CCSER2: variants seen among roughly 807,000 people sequenced by gnomAD.
CCSER2 encodes coiled-coil serine rich protein 2.
CCSER2 carries 46 observed loss-of-function variants against 92.3 expected under a neutral mutation model. That is an observed-to-expected ratio of 0.50 (90% CI 0.39 to 0.64). The LOEUF is 0.64. CCSER2 is among the 30% of genes least tolerant of loss of function. CCSER2 has a pLI of 0.00. For synonymous variants in CCSER2, 433 were observed against 431.4 expected, an observed-to-expected ratio of 1.00 and a Z score of -0.04; for missense variants, 1,244 against 1,238.9, an observed-to-expected ratio of 1.00 and a Z score of -0.06.
chr10:84,383,599 C>T (rs539351261), intron 3 of CCSER2, among the ~76,000 whole-genome samples: 11 of 152,248 alleles, frequency 7.2e-5, no homozygotes, highest in Admixed American at 4.6e-4. Context: ...CGTGAGCCAC[C>T]GTACCCGGCT....
intron 3 of CCSER2, among the ~76,000 whole-genome samples, chr10:84,384,668 C>T (rs964249041): frequency 6.6e-6 from 1 of 152,126 alleles, no homozygotes; most frequent in Non-Finnish European, 1.5e-5. Context: ...CAACATCATA[C>T]TGAATAGGCA....
intron 7 of CCSER2, among the ~76,000 whole-genome samples, chr10:84,464,922 G>A (rs1437145382): frequency 2.0e-5 from 3 of 152,186 alleles, no homozygotes; most frequent in Non-Finnish European, 2.9e-5. Context: ...AGGTTGCAGA[G>A]TGATTTATTG....
rs1849533852 is a variant in CCSER2, at chr10:84,514,615, T to G, written c.*348T>G. 1 of 227,738 alleles carries G rather than the reference T, an allele frequency of 4.4e-6. No homozygotes were observed. The highest frequency in any genetic ancestry group is 8.7e-5 in the South Asian group (1 of 11,550). The allele number at this position is 227,738 out of a possible 1,614,324, so 14.1% of individuals were successfully genotyped here. ...CTTTGCTGGTTTAGTCCTATTAAGG[T>G]CTGTATTTATTGTGGTTGTCAGAAC... On this transcript the variant is annotated 3_prime_UTR_variant, in exon 10 of 10. Transcript: ENST00000372088.
chr10:84,500,102 C>G (rs1848647348), intron 9 of CCSER2: 1 of 1,101,816 alleles, frequency 9.1e-7, no homozygotes, highest in African/African-American at 1.6e-5. Context: ...TCTCTGTGGT[C>G]TCCTCTCTTA....
chr10:84,513,658 A>G lies in CCSER2; in HGVS notation c.2535A>G (p.Pro845=), dbSNP rs763573014. Residue 845 remains proline, a synonymous_variant, in exon 10 of 10, where the codon CCA becomes CCG. Transcript: ENST00000372088. ...GLEEQPFSSG[P]QLTMDVAKST... ...AAGAGCAGCCTTTTTCATCAGGCCC[A>G]CAATTAACAATGGATGTGGCTAAGA... 6.4e-7 allele frequency: 1 copy of G among 1,571,124 alleles called. No homozygotes were observed. The highest frequency in any genetic ancestry group is 8.6e-7 in the Non-Finnish European group (1 of 1,160,948).
chr10:84,506,957 T>C (rs1356163540), intron 9 of CCSER2, among the ~76,000 whole-genome samples: 3 of 152,224 alleles, frequency 2.0e-5, no homozygotes, highest in Non-Finnish European at 4.4e-5. Context: ...ATATTAAATT[T>C]TATCAGAATT....
At chr10:84,489,868 T>C (rs532422253) in intron 9 of CCSER2, among the ~76,000 whole-genome samples, 18 of 152,218 alleles carry the variant, frequency 1.2e-4, no homozygotes, top group Non-Finnish European at 2.6e-4. Context: ...GTTTTTGCAG[T>C]GGCTGGTACC....
At chr10:84,418,610 AG>A (rs1842989630) in intron 4 of CCSER2, among the ~76,000 whole-genome samples, 1 of 152,176 alleles carries the variant, frequency 6.6e-6, no homozygotes, top group Non-Finnish European at 1.5e-5. Context: ...GAAAATGGTG[AG>A]TGGGATCCTT....
rs959181722 is a variant in CCSER2, at chr10:84,466,313, A to G, written c.2148+2297A>G. On this transcript the variant is annotated intron_variant, in intron 7 of 9. Coordinates refer to ENST00000372088, the MANE Select transcript of CCSER2 (RefSeq NM_001284240.2). ...ATCTAAAGTCTCCATTGGACCTACC[A>G]TGCCTCTAATCTATCCTTTTATTTA... Among the ~76,000 whole-genome samples the G allele has an allele frequency of 3.3e-5, 5 of 152,144 alleles. No homozygotes were observed. In the East Asian group the frequency reaches 9.7e-4, roughly 29 times the overall value.
At chr10:84,486,927 A>G (rs1220750130) in intron 9 of CCSER2, among the ~76,000 whole-genome samples, 12 of 152,088 alleles carry the variant, frequency 7.9e-5, no homozygotes, top group East Asian at 3.9e-4. Context: ...TGTATAAGGT[A>G]TAAGGAAGGG....
intron 3 of CCSER2, among the ~76,000 whole-genome samples, chr10:84,410,235 A>G (rs754993115): frequency 6.6e-6 from 1 of 152,164 alleles, no homozygotes; most frequent in Non-Finnish European, 1.5e-5. Context: ...GCATGCATGT[A>G]TCTTTATATA....
rs376166478 is a variant in CCSER2, at chr10:84,395,097, G to C, written c.1614+21282G>C. Among the ~76,000 whole-genome samples, 37 of 151,952 alleles carry C rather than the reference G, an allele frequency of 2.4e-4. 1 individual carries two copies. The highest frequency in any genetic ancestry group is 7.5e-4 in the African/African-American group (31 of 41,438). On this transcript the variant is annotated intron_variant, in intron 3 of 9. Transcript: ENST00000372088. ...AAATTAGCCAGGCATGGTGGCATAT[G>C]CCTGTGGTTCCAGCTACTTGGGAAG...
At chr10:84,467,895 T>C (rs1373773146) in intron 7 of CCSER2, among the ~76,000 whole-genome samples, 1 of 152,164 alleles carries the variant, frequency 6.6e-6, no homozygotes, top group African/African-American at 2.4e-5. Flanking sequence ...CTCTCTTGGG[T>C]CAGGCTCCTA....
At chr10:84,426,950 G>C (rs1843468622) in intron 5 of CCSER2, among the ~76,000 whole-genome samples, 1 of 152,318 alleles carries the variant, frequency 6.6e-6, no homozygotes, top group South Asian at 2.1e-4. Flanking sequence ...GGTCAAATTA[G>C]TATGAGAATG....
chr10:84,512,297 G>A (rs1053108634), intron 9 of CCSER2, among the ~76,000 whole-genome samples: 5 of 150,486 alleles, frequency 3.3e-5, no homozygotes, highest in Non-Finnish European at 7.4e-5. Flanking sequence ...AGTGAGAAAT[G>A]GCCCTCTGAA....
At chr10:84,486,671 A>C (rs1440447806) in intron 9 of CCSER2, among the ~76,000 whole-genome samples, 3 of 152,080 alleles carry the variant, frequency 2.0e-5, no homozygotes, top group African/African-American at 7.2e-5. Flanking sequence ...AGATTGCAAA[A>C]ATTTTCTCCC....
chr10:84,330,579 C>T (rs528881176), intron 1 of CCSER2, among the ~76,000 whole-genome samples: 4 of 152,284 alleles, frequency 2.6e-5, no homozygotes, highest in African/African-American at 4.8e-5. Flanking sequence ...ATGGCCTCAT[C>T]TCGGCTCACT....
chr10:84,495,376 A>C (rs1014625687), intron 9 of CCSER2, among the ~76,000 whole-genome samples: 1 of 152,118 alleles, frequency 6.6e-6, no homozygotes, highest in African/African-American at 2.4e-5. Flanking sequence ...TTGTGGCCCA[A>C]ACTATGGTCT....
At chr10:84,338,987 A>G (rs948752866) in intron 1 of CCSER2, among the ~76,000 whole-genome samples, 1 of 152,108 alleles carries the variant, frequency 6.6e-6, no homozygotes, top group African/African-American at 2.4e-5. Flanking sequence ...TTCTTCCCTT[A>G]GCCACTGATC....
Sources: gnomAD v4.1 joint callset for allele counts (sites outside exome capture counted in the v4.1 genomes callset) on GRCh38, gnomAD v4.1.1 for gene constraint, MANE v1.5 for transcripts, NCBI Gene and HGNC (gene_info 2026-07-23, HGNC 2026-07-21) for gene names.